Variants in KANSL1 observed in about 807,000 individuals in gnomAD.
KANSL1 encodes KAT8 regulatory NSL complex subunit 1.
Under a neutral mutation model 103.6 loss-of-function variants are expected in KANSL1, and 22 were observed. That is an observed-to-expected ratio of 0.21 (90% CI 0.15 to 0.30). The LOEUF is 0.30. Ranked by LOEUF, KANSL1 falls within the 10% of genes least tolerant of loss-of-function variation. KANSL1 has a pLI of 1.00. For synonymous variants in KANSL1, 600 were observed against 527.6 expected, an observed-to-expected ratio of 1.14 and a Z score of -1.88; for missense variants, 1,337 against 1,399.8, an observed-to-expected ratio of 0.96 and a Z score of 0.72.
intron 7 of KANSL1, chr17:46,044,254 G>C (rs1051467290): frequency 1.3e-5 from 2 of 152,136 alleles, no homozygotes; most frequent in African/African-American, 4.8e-5. Flanking sequence ...GTAAATAACA[G>C]GAAAATAAGA....
At chr17:46,071,804 T>C (rs944861277) in intron 4 of KANSL1, among the ~76,000 whole-genome samples, 3 of 152,258 alleles carry the variant, frequency 2.0e-5, no homozygotes, top group East Asian at 1.9e-4. Context: ...TTATTTGATG[T>C]TGAGATGAAC....
Position 46,066,678 on chromosome 17 carries a change from T to C in KANSL1, c.1707A>G (p.Glu569=), listed in dbSNP as rs2146658180. 1 of 1,614,188 alleles carries C rather than the reference T, an allele frequency of 6.2e-7. No individual in the cohort carries two copies. The highest frequency in any genetic ancestry group is 8.5e-7 in the Non-Finnish European group (1 of 1,180,024). Residue 569 remains glutamate, a synonymous_variant, in exon 6 of 15, where the codon GAA becomes GAG. Coordinates refer to ENST00000432791, the MANE Select transcript of KANSL1 (RefSeq NM_015443.4). The part of the protein sequence containing the change: ...HIPGDSSDAE[E]QLHKKQRLNL... The stretch of plus-strand genomic sequence containing the variant: ...TCAGTCGTTGCTTCTTATGTAATTG[T>C]TCCTCAGCATCAGAGCTGTCACCTG...
At chr17:46,038,413 T>C (rs2077212812) in intron 10 of KANSL1, 125 bp downstream of exon 10, 5 of 996,686 alleles carry the variant, frequency 5.0e-6, no homozygotes, top group Non-Finnish European at 7.3e-6. Flanking sequence ...ACATATGTCA[T>C]GATGAGCTGA....
At chr17:46,085,172 T>G (rs574536163) in intron 3 of KANSL1, among the ~76,000 whole-genome samples, 1 of 152,346 alleles carries the variant, frequency 6.6e-6, no homozygotes, top group South Asian at 2.1e-4. Flanking sequence ...CTGTTGCTGC[T>G]GCTGGAGGTA....
chr17:46,169,085 G>A (rs1431284597), intron 2 of KANSL1, among the ~76,000 whole-genome samples: 2 of 152,174 alleles, frequency 1.3e-5, no homozygotes, highest in East Asian at 1.9e-4. Flanking sequence ...ATAAGTGCAT[G>A]CAATTTAAAA....
Position 46,171,456 on chromosome 17 carries a change from T to A in KANSL1, c.688A>T (p.Asn230Tyr). ...TCCATGGAATTGACAGAGGATTTGT[T>A]TGCAGTGCTATTATTGCTATACAAA... ...TTLYSNNSTA[N>Y]KSSVNSMEQP... The change falls in exon 2 of 15, where the codon AAC becomes TAC. Residue 230 changes from asparagine (N) to tyrosine (Y), a missense_variant. Around this residue, in one of 2 missense-constraint regions of KANSL1, gnomAD observed 557 missense variants for 476.4 expected, o/e 1.17. Transcript: ENST00000432791. 1 of 1,614,134 alleles carries A rather than the reference T, an allele frequency of 6.2e-7. No individual in the cohort carries two copies. Among genetic ancestry groups the A allele is most frequent in the South Asian group, 1.1e-5 (1 of 91,088 alleles).
At chr17:46,138,347 C>T (rs1160488096) in intron 2 of KANSL1, among the ~76,000 whole-genome samples, 1 of 152,190 alleles carries the variant, frequency 6.6e-6, no homozygotes, top group Non-Finnish European at 1.5e-5. Flanking sequence ...TATGTACAGA[C>T]TTTTTCTTCT....
At position 46,175,991 on chromosome 17, in the gene KANSL1, G is replaced by A. The variant is rs1047966134; in HGVS notation, c.-89-3759C>T. Among the ~76,000 whole-genome samples, 6 of 152,148 alleles carry A rather than the reference G, an allele frequency of 3.9e-5. No homozygotes were observed. The East Asian group carries it at 1.2e-3, about 29-fold the overall frequency. On this transcript the variant is annotated intron_variant, in intron 1 of 14. Coordinates refer to ENST00000432791, the MANE Select transcript of KANSL1 (RefSeq NM_015443.4). The stretch of plus-strand genomic sequence containing the variant: ...TAATATGCAAAGGGTTTTTCCCATG[G>A]ACAAACGAAAATCACTACCAGATAA...
intron 1 of KANSL1, among the ~76,000 whole-genome samples, chr17:46,187,897 G>C (rs1159798236): frequency 6.6e-6 from 1 of 152,104 alleles, no homozygotes; most frequent in Non-Finnish European, 1.5e-5. Context: ...TTCTACTTTG[G>C]TCAAGTCAGT....
intron 2 of KANSL1, among the ~76,000 whole-genome samples, chr17:46,095,042 C>G (rs77044307): frequency 0.14 from 21,636 of 151,930 alleles, 2,110 homozygotes; most frequent in Non-Finnish European, 0.22. Flanking sequence ...GGAAATCCAA[C>G]TGACACTAAG....
chr17:46,065,101 G>A (rs1209753675), intron 6 of KANSL1, among the ~76,000 whole-genome samples: 2 of 150,632 alleles, frequency 1.3e-5, no homozygotes, highest in Non-Finnish European at 3.0e-5. Context: ...TCAGCCTCCT[G>A]AGCAAATGGA....
intron 2 of KANSL1, among the ~76,000 whole-genome samples, chr17:46,134,197 A>C (rs1352326030): frequency 6.6e-6 from 1 of 152,042 alleles, no homozygotes; most frequent in Non-Finnish European, 1.5e-5. Flanking sequence ...CAGGAGTTTG[A>C]GACCAGCCTG....
At chr17:46,182,117 G>A (rs1030534606) in intron 1 of KANSL1, among the ~76,000 whole-genome samples, 2 of 152,104 alleles carry the variant, frequency 1.3e-5, no homozygotes, top group African/African-American at 4.8e-5. Flanking sequence ...TAACTTTATC[G>A]AGAGCTTGGT....
chr17:46,078,189 G>GCCTCCTTAA, intron 4 of KANSL1, among the ~76,000 whole-genome samples: 1 of 152,060 alleles, frequency 6.6e-6, no homozygotes, highest in Non-Finnish European at 1.5e-5. Flanking sequence ...TAATCCTATG[G>GCCTCCTTAA]TGAATGCCTT....
At chr17:46,070,244 C>T (rs959102799) in intron 4 of KANSL1, among the ~76,000 whole-genome samples, 4 of 151,722 alleles carry the variant, frequency 2.6e-5, no homozygotes, top group African/African-American at 9.7e-5. Context: ...TTGTGGTACA[C>T]CAAATCAAAA....
chr17:46,152,190 A>G (rs1042434759), intron 2 of KANSL1, among the ~76,000 whole-genome samples: 2 of 152,274 alleles, frequency 1.3e-5, no homozygotes, highest in South Asian at 2.1e-4. Flanking sequence ...AAACAGATCA[A>G]TACACAAGTT....
chr17:46,031,552 G>A lies in KANSL1; in HGVS notation c.3242C>T (p.Thr1081Ile). 1 of 1,614,090 alleles carries A rather than the reference G, an allele frequency of 6.2e-7. No individual in the cohort carries two copies. The highest frequency in any genetic ancestry group is 8.5e-7 in the Non-Finnish European group (1 of 1,180,006). ...CTTGAGGGGGACAATGGGAGGCGAG[G>A]TGGGCGCTGCCTCTGTCTCCCGGCC... ...KTGRETEAAP[T>I]SPPIVPLKSR... Residue 1081 changes from threonine (T) to isoleucine (I), a missense_variant, in exon 15 of 15, where the codon ACC becomes ATC. Physicochemically the swap from Thr to Ile is moderately conservative, Grantham distance 89. Coordinates refer to ENST00000432791, the MANE Select transcript of KANSL1 (RefSeq NM_015443.4).
chr17:46,167,186 A>G (rs897314914), intron 2 of KANSL1, among the ~76,000 whole-genome samples: 9 of 151,994 alleles, frequency 5.9e-5, no homozygotes, highest in African/African-American at 2.2e-4. Context: ...GTTACTATAT[A>G]GAAGTTTATA....
chr17:46,150,685 T>G (rs549319295), intron 2 of KANSL1, among the ~76,000 whole-genome samples: 7 of 152,306 alleles, frequency 4.6e-5, no homozygotes, highest in Admixed American at 3.3e-4. Flanking sequence ...CTTCAAAAAT[T>G]AGTCTCCATC....
Sources: gnomAD v4.1 joint callset for allele counts (sites outside exome capture counted in the v4.1 genomes callset) on GRCh38, gnomAD v4.1.1 for gene constraint, gnomAD v4.1.1 regional missense constraint, MANE v1.5 for transcripts, NCBI Gene and HGNC (gene_info 2026-07-23, HGNC 2026-07-21) for gene names.